The following SLC39A11 variants were observed in gnomAD, a reference collection of about 807,000 sequenced individuals.
SLC39A11 encodes zinc transporter ZIP11.
SLC39A11 carries 33 observed loss-of-function variants against 36.1 expected under a neutral mutation model. The observed-to-expected ratio is 0.91, with a 90% CI of 0.69 to 1.22. The LOEUF (loss-of-function observed/expected upper bound fraction) is 1.22. Ranked by LOEUF, SLC39A11 falls within the 50% of genes most tolerant of loss-of-function variation. SLC39A11 has a pLI of 0.00. For missense variants in SLC39A11, 432 were observed against 430.3 expected (o/e 1.00, Z -0.03); for synonymous variants, 166 against 170.3 (o/e 0.97, Z 0.20).
At chr17:73,078,240 GAAA>G (rs373935167) in intron 3 of SLC39A11, among the ~76,000 whole-genome samples, 1 of 114,766 alleles carries the variant, frequency 8.7e-6, no homozygotes. Flanking sequence ...TCCGTCTCAG[GAAA>G]AAAAAAAAAA....
intron 4 of SLC39A11, among the ~76,000 whole-genome samples, chr17:73,013,621 G>A (rs11077656): frequency 0.7 from 106,477 of 152,106 alleles, 41,192 homozygotes; most frequent in Non-Finnish European, 0.87. Context: ...GGCAGCAGGT[G>A]GCCCAGGACG....
intron 4 of SLC39A11, among the ~76,000 whole-genome samples, chr17:72,975,464 ATT>A (rs2087775358): frequency 6.6e-6 from 1 of 152,154 alleles, no homozygotes; most frequent in African/African-American, 2.4e-5. Context: ...AATTAAATAA[ATT>A]TTAAAAATAA....
chr17:73,010,740 C>T (rs921174580), intron 4 of SLC39A11, among the ~76,000 whole-genome samples: 1 of 68,386 alleles, frequency 1.5e-5, no homozygotes, highest in East Asian at 5.1e-4. Flanking sequence ...ATGACACAGG[C>T]AAATTTCAGA....
chr17:72,790,046 A>C (rs2076647259), intron 6 of SLC39A11, among the ~76,000 whole-genome samples: 1 of 152,224 alleles, frequency 6.6e-6, no homozygotes, highest in Non-Finnish European at 1.5e-5. Context: ...AAAGACATGA[A>C]GTAGCAGCAC....
intron 6 of SLC39A11, among the ~76,000 whole-genome samples, chr17:72,795,103 A>G (rs2076853220): frequency 6.6e-6 from 1 of 152,136 alleles, no homozygotes; most frequent in East Asian, 1.9e-4. Context: ...TGTATTAACA[A>G]TCTACTGCTG....
intron 5 of SLC39A11, among the ~76,000 whole-genome samples, chr17:72,919,275 T>TAAA (rs1391164532): frequency 1.3e-5 from 2 of 151,072 alleles, no homozygotes; most frequent in Non-Finnish European, 2.9e-5. Flanking sequence ...ATAATAATAA[T>TAAA]AAAGCTATAG....
chr17:72,888,774 C>T (rs970934675), intron 5 of SLC39A11, among the ~76,000 whole-genome samples: 3 of 152,068 alleles, frequency 2.0e-5, no homozygotes, highest in Non-Finnish European at 2.9e-5. Flanking sequence ...TGGTAACGTG[C>T]ACCTGTAGTC....
At chr17:72,776,520 ATAAT>A (rs1025361598) in intron 6 of SLC39A11, among the ~76,000 whole-genome samples, 2 of 151,910 alleles carry the variant, frequency 1.3e-5, no homozygotes, top group Non-Finnish European at 2.9e-5. Flanking sequence ...CTATATCAAA[ATAAT>A]TAATTTGTCT....
intron 7 of SLC39A11, among the ~76,000 whole-genome samples, chr17:72,713,833 C>G (rs1402648732): frequency 6.6e-6 from 1 of 152,182 alleles, no homozygotes; most frequent in Non-Finnish European, 1.5e-5. Context: ...AGATGCTTTT[C>G]AAGTGCACTC....
At chr17:72,834,720 GA>G (rs2078446048) in intron 6 of SLC39A11, among the ~76,000 whole-genome samples, 1 of 152,152 alleles carries the variant, frequency 6.6e-6, no homozygotes, top group Non-Finnish European at 1.5e-5. Flanking sequence ...AAGACAACTG[GA>G]AGTTATTGGA....
At chr17:72,740,051 CTTTT>C (rs1320831121) in intron 6 of SLC39A11, among the ~76,000 whole-genome samples, 27 of 97,652 alleles carry the variant, frequency 2.8e-4, no homozygotes, top group African/African-American at 1.0e-3. Flanking sequence ...AATTTCTTTC[CTTTT>C]CTTTTTTTTT....
intron 5 of SLC39A11, among the ~76,000 whole-genome samples, chr17:72,895,170 G>A (rs956942823): frequency 1.8e-4 from 28 of 152,190 alleles, no homozygotes; most frequent in African/African-American, 3.4e-4. Context: ...AACAGGCAGC[G>A]GGCAGGGAAG....
intron 6 of SLC39A11, among the ~76,000 whole-genome samples, chr17:72,797,846 G>A (rs555824945): frequency 6.6e-6 from 1 of 152,246 alleles, no homozygotes; most frequent in South Asian, 2.1e-4. Context: ...GTGCTGGGGG[G>A]CACTGACCCA....
chr17:73,038,844 C>T (rs1382388066), intron 3 of SLC39A11, among the ~76,000 whole-genome samples: 3 of 151,012 alleles, frequency 2.0e-5, no homozygotes, highest in Non-Finnish European at 4.4e-5. Flanking sequence ...CCTACCCAAC[C>T]GTTAGGGACC....
At chr17:72,760,412 A>G (rs1374913311) in intron 6 of SLC39A11, among the ~76,000 whole-genome samples, 1 of 152,246 alleles carries the variant, frequency 6.6e-6, no homozygotes, top group Non-Finnish European at 1.5e-5. Context: ...AGTATGATCC[A>G]TCTGAGCCTT....
At chr17:72,887,875 C>T (rs1343427157) in intron 5 of SLC39A11, among the ~76,000 whole-genome samples, 1 of 152,204 alleles carries the variant, frequency 6.6e-6, no homozygotes, top group African/African-American at 2.4e-5. Flanking sequence ...TAAATACAAA[C>T]CTAAACCCTA....
At chr17:72,960,584 G>A (rs1186418339) in intron 4 of SLC39A11, among the ~76,000 whole-genome samples, 1 of 152,038 alleles carries the variant, frequency 6.6e-6, no homozygotes, top group Non-Finnish European at 1.5e-5. Flanking sequence ...TTGACCCCAC[G>A]AGTTTGAGAC....
intron 7 of SLC39A11, among the ~76,000 whole-genome samples, chr17:72,729,408 TATATATATATATATATATATA>T (rs2074070555): frequency 0.015 from 66 of 4,452 alleles, 6 homozygotes; most frequent in Non-Finnish European, 0.023. Flanking sequence ...TGGCTATTTA[TATATATATATATATATATATA>T]TATATATATA....
intron 5 of SLC39A11, among the ~76,000 whole-genome samples, chr17:72,879,956 T>C (rs2081110785): frequency 6.6e-6 from 1 of 152,224 alleles, no homozygotes; most frequent in Admixed American, 6.5e-5. Context: ...CCCCACATTT[T>C]ACCCCATCAT....
Sources: gnomAD v4.1 joint callset for allele counts (sites outside exome capture counted in the v4.1 genomes callset) on GRCh38, gnomAD v4.1.1 for gene constraint, MANE v1.5 for transcripts, NCBI Gene and HGNC (gene_info 2026-07-23, HGNC 2026-07-21) for gene names.